The following CELA3B variants were observed in gnomAD, a reference collection of about 807,000 sequenced individuals.
CELA3B encodes chymotrypsin-like elastase family member 3B.
CELA3B carries 34 observed loss-of-function variants against 37.2 expected under a neutral mutation model. The ratio of observed to expected loss-of-function variants is 0.91; its 90% CI spans 0.70 to 1.22. The LOEUF is 1.22. CELA3B is among the 50% of genes most tolerant of loss of function. The pLI, the probability that CELA3B is intolerant of heterozygous loss-of-function variation, is 0.00. For missense variants in CELA3B, 340 were observed against 363.1 expected (o/e 0.94, Z 0.52); for synonymous variants, 127 against 143.5 (o/e 0.89, Z 0.82).
chr1:21,985,125 T>G (rs1002205922), intron 6 of CELA3B, among the ~76,000 whole-genome samples: 17 of 145,998 alleles, frequency 1.2e-4, no homozygotes, highest in African/African-American at 4.3e-4. Context: ...CAAAAAAAAC[T>G]TTTTTAAATT....
At chr1:21,998,284 T>C (rs1240057701) in exon 5 of CELA3B, 12 of 457,878 alleles carry the variant, frequency 2.6e-5, no homozygotes, top group Non-Finnish European at 4.1e-5. Context: ...TGAGCTCATA[T>C]TTTCCAATCC....
At chr1:21,985,339 G>A (rs1236682646) in intron 6 of CELA3B, among the ~76,000 whole-genome samples, 6 of 147,772 alleles carry the variant, frequency 4.1e-5, no homozygotes, top group African/African-American at 9.9e-5. Flanking sequence ...GTGCAGTAAC[G>A]CCATCACAGC....
intron 7 of CELA3B, 142 bp from the exon 8 acceptor site, chr1:21,989,120 T>A: frequency 6.6e-7 from 1 of 1,512,568 alleles, no homozygotes; most frequent in Non-Finnish European, 9.1e-7. Context: ...CCCTACTACA[T>A]AGAGGAGGAA....
At chr1:21,992,259 G>A (rs1644871873), downstream of CELA3B, among the ~76,000 whole-genome samples, 1 of 151,694 alleles carries the variant, frequency 6.6e-6, no homozygotes, top group African/African-American at 2.4e-5. Context: ...TGGGCATGGT[G>A]GCATGTGCCT....
At chr1:21,988,631 C>T (rs1212386518) in intron 7 of CELA3B, among the ~76,000 whole-genome samples, 2 of 146,960 alleles carry the variant, frequency 1.4e-5, no homozygotes, top group East Asian at 4.0e-4. Context: ...GTGGCTCATG[C>T]CTGTAATCCC....
At chr1:21,980,345 G>C (rs181364686) in intron 2 of CELA3B, among the ~76,000 whole-genome samples, 3,164 of 152,146 alleles carry the variant, frequency 0.021, 45 homozygotes, top group Non-Finnish European at 0.031. Flanking sequence ...CAGGCACGAC[G>C]GCAGGTGCCT....
downstream of CELA3B, among the ~76,000 whole-genome samples, chr1:21,989,810 A>G (rs2473312): frequency 3.2e-4 from 48 of 150,608 alleles, 1 homozygote; most frequent in East Asian, 4.3e-3. Context: ...CCTTGTTTTA[A>G]AGGAGGGCTC....
Position 21,978,557 on chromosome 1 carries a change from C to T in CELA3B, c.129+103C>T. The stretch of plus-strand genomic sequence containing the variant: ...GACACCATTGCTCCCTTTGCAATGT[C>T]CACTTCAGCTTCCAAAGACCAGGCA... On this transcript the variant is annotated intron_variant, in intron 2 of 7. Coordinates refer to ENST00000337107, the MANE Select transcript of CELA3B (RefSeq NM_007352.4). The T allele has an allele frequency of 2.9e-6, 4 of 1,370,384 alleles. No individual in the cohort carries two copies. The South Asian group carries it at 3.6e-5, about 12-fold the overall frequency. The allele number at this position is 1,370,384 out of a possible 1,614,324, so 84.9% of individuals were successfully genotyped here. A position where few individuals can be genotyped will look rare whatever the true frequency, so the allele number is the denominator to read the frequency against.
intron 7 of CELA3B, among the ~76,000 whole-genome samples, chr1:21,988,452 G>A (rs1488870073): frequency 6.6e-5 from 10 of 151,626 alleles, no homozygotes; most frequent in African/African-American, 1.7e-4. Context: ...TTGGCTGGGC[G>A]TGGTGCTGCA....
At chr1:21,981,197 C>A in intron 4 of CELA3B, 25 bp downstream of exon 4, 1 of 1,608,418 alleles carries the variant, frequency 6.2e-7, no homozygotes. Context: ...CGGTCTGGAA[C>A]CCAGAGGCTC....
Position 21,977,092 on chromosome 1 carries a change from C to T in CELA3B, c.43+10C>T, listed in dbSNP as rs373378751. 4 of 1,614,060 alleles carry T rather than the reference C, an allele frequency of 2.5e-6. No individual in the cohort carries two copies. Among genetic ancestry groups the T allele is most frequent in the Non-Finnish European group, 3.4e-6 (4 of 1,180,034 alleles). ...CTCCTTGTGGCCGTTGGTAAGACCC[C>T]AACCTGTGTGTGTGCTCCCTGGGCT... is the stretch of plus-strand genomic sequence containing the variant. On this transcript the variant is annotated intron_variant, in intron 1 of 7. Coordinates refer to ENST00000337107, the MANE Select transcript of CELA3B (RefSeq NM_007352.4).
At chr1:21,993,225 C>T (rs994270408), downstream of CELA3B, among the ~76,000 whole-genome samples, 3 of 151,260 alleles carry the variant, frequency 2.0e-5, no homozygotes, top group Non-Finnish European at 4.4e-5. Flanking sequence ...CTTTGGGAGG[C>T]TGAGGCAGGT....
Position 21,978,448 on chromosome 1 carries a change from C to G in CELA3B, c.123C>G (p.Pro41=). Reference sequence around the variant, plus strand: ...AGGATGCGGTCCCCTACAGCTGGCCCTGGCAGGTAAGAGCAATAGCAGCTG... The same window carrying G: ...AGGATGCGGTCCCCTACAGCTGGCCGTGGCAGGTAAGAGCAATAGCAGCTG... ...NGEDAVPYSW[P]WQVSLQYEKS... Residue 41 remains proline, a synonymous_variant, in exon 2 of 8, where the codon CCC becomes CCG. Transcript: ENST00000337107. 1.9e-6 allele frequency: 3 copies of G among 1,614,116 alleles called. No homozygotes were observed. Among genetic ancestry groups the G allele is most frequent in the Non-Finnish European group, 2.5e-6 (3 of 1,179,950 alleles).
downstream of CELA3B, among the ~76,000 whole-genome samples, chr1:21,993,242 C>T (rs1644876205): frequency 6.6e-6 from 1 of 151,292 alleles, no homozygotes; most frequent in African/African-American, 2.4e-5. Context: ...AGGTGGGTCA[C>T]TTGAGGTCAG....
At chr1:21,995,110 TC>T (rs1466565304) in intron 4 of CELA3B, among the ~76,000 whole-genome samples, 2 of 148,648 alleles carry the variant, frequency 1.3e-5, no homozygotes, top group African/African-American at 5.0e-5. Context: ...GTGGTGGCTG[TC>T]CCCAATATTG....
chr1:21,982,342 C>G (rs1172993590), intron 4 of CELA3B, among the ~76,000 whole-genome samples: 4 of 152,082 alleles, frequency 2.6e-5, no homozygotes, highest in Non-Finnish European at 5.9e-5. Context: ...GCACGGTAAT[C>G]CCAGCACTGC....
intron 4 of CELA3B, among the ~76,000 whole-genome samples, chr1:21,996,840 T>C (rs1256356962): frequency 8.6e-5 from 13 of 151,224 alleles, no homozygotes; most frequent in African/African-American, 3.2e-4. Flanking sequence ...TGGGTTCCCA[T>C]GGTGGCTTCT....
intron 7 of CELA3B, chr1:21,987,990 C>A (rs1402733970): frequency 1.3e-5 from 2 of 148,876 alleles, no homozygotes; most frequent in Admixed American, 6.8e-5. Context: ...GCGTATGGAT[C>A]ACCTGAGGTC....
At chr1:21,980,195 G>T (rs543230211) in intron 2 of CELA3B, among the ~76,000 whole-genome samples, 4 of 131,954 alleles carry the variant, frequency 3.0e-5, no homozygotes, top group African/African-American at 5.6e-5. Context: ...AAAGAGTCAG[G>T]GGGGCTGGGC....
Sources: gnomAD v4.1 joint callset for allele counts (sites outside exome capture counted in the v4.1 genomes callset) on GRCh38, gnomAD v4.1.1 for gene constraint, MANE v1.5 for transcripts, NCBI Gene and HGNC (gene_info 2026-07-23, HGNC 2026-07-21) for gene names.